MAP4: variants seen among roughly 807,000 people sequenced by gnomAD.
The protein encoded by MAP4 is microtubule associated protein 4.
In MAP4, 76 loss-of-function variants were observed where a neutral mutation model predicts 170.2. The observed-to-expected ratio is 0.45, with a 90% CI of 0.37 to 0.54. The LOEUF (loss-of-function observed/expected upper bound fraction) is 0.54, where lower values mean the gene tolerates loss of function less well. Ranked by LOEUF, MAP4 falls within the 20% of genes least tolerant of loss-of-function variation. The probability of loss-of-function intolerance (pLI) is 0.00; values close to 1 mark genes in which losing one functional copy is unlikely to be tolerated. For synonymous variants in MAP4, 909 were observed against 994.5 expected (o/e 0.91, Z 1.62); for missense variants, 2,506 against 2,748.0 (o/e 0.91, Z 1.97).
At position 47,870,814 on chromosome 3, in the gene MAP4, C is replaced by T. The variant is rs749426642; in HGVS notation, c.6293G>A (p.Arg2098Gln). Residue 2098 changes from arginine to glutamine, a missense_variant and splice_region_variant, in exon 15 of 21, where the codon CGG becomes CAG. Transcript: ENST00000683076. ...GGACCCCAAGCTCCCTGGACCCACC[C>T]GGCCTCCTCCAGGCTGATGCTTGAT... Reference protein sequence around the residue: ...ENIKHQPGGGRAKVEKKTEAA... With the variant: ...ENIKHQPGGGQAKVEKKTEAA... 15 of 1,545,876 alleles carry T rather than the reference C, an allele frequency of 9.7e-6. No homozygotes were observed. The highest frequency in any genetic ancestry group is 8.8e-5 in the South Asian group (7 of 79,820).
At chr3:48,066,481 T>G (rs1332177722) in intron 1 of MAP4, among the ~76,000 whole-genome samples, 4 of 152,054 alleles carry the variant, frequency 2.6e-5, no homozygotes, top group Non-Finnish European at 5.9e-5. Flanking sequence ...AGCCATCACA[T>G]ATATATATTT....
At chr3:48,027,735 G>C (rs1009277455) in intron 1 of MAP4, among the ~76,000 whole-genome samples, 1 of 152,058 alleles carries the variant, frequency 6.6e-6, no homozygotes, top group Non-Finnish European at 1.5e-5. Context: ...CTACTCAGGA[G>C]ACTAAAATGG....
chr3:48,068,638 G>T (rs914289737), intron 1 of MAP4, among the ~76,000 whole-genome samples: 1 of 152,132 alleles, frequency 6.6e-6, no homozygotes, highest in African/African-American at 2.4e-5. Context: ...CAAAAAATTA[G>T]CCAGGTGTGG....
chr3:48,054,578 C>T (rs1458046367), intron 1 of MAP4, among the ~76,000 whole-genome samples: 3 of 134,254 alleles, frequency 2.2e-5, no homozygotes, highest in Non-Finnish European at 4.5e-5. Context: ...TGCAGTGAGC[C>T]GAGATCATGC....
intron 1 of MAP4, among the ~76,000 whole-genome samples, chr3:48,003,614 T>C (rs2100100555): frequency 6.6e-6 from 1 of 152,152 alleles, no homozygotes; most frequent in Non-Finnish European, 1.5e-5. Context: ...TCTATGGCCC[T>C]TTTGTCTAGA....
chr3:48,052,298 T>C (rs1381798791), intron 1 of MAP4, among the ~76,000 whole-genome samples: 2 of 152,186 alleles, frequency 1.3e-5, no homozygotes, highest in Non-Finnish European at 2.9e-5. Context: ...CTTGGCTCAC[T>C]GCAACCTCCA....
chr3:47,904,563 T>C (rs558686065), intron 9 of MAP4, among the ~76,000 whole-genome samples: 20 of 147,328 alleles, frequency 1.4e-4, no homozygotes. Context: ...CTGCTGCGCC[T>C]GGCCAGTGCT....
At chr3:47,879,587 C>T (rs1235079203) in intron 10 of MAP4, among the ~76,000 whole-genome samples, 1 of 152,156 alleles carries the variant, frequency 6.6e-6, no homozygotes, top group Non-Finnish European at 1.5e-5. Flanking sequence ...AGAGCCTACT[C>T]AGATTTTTCA....
intron 3 of MAP4, among the ~76,000 whole-genome samples, chr3:47,948,390 T>C (rs1247964825): frequency 1.3e-5 from 2 of 151,690 alleles, no homozygotes; most frequent in Non-Finnish European, 2.9e-5. Flanking sequence ...TGTGCCACCA[T>C]GCCAGGCTAA....
chr3:47,921,905 C>A lies in MAP4; in HGVS notation c.416-27G>T, dbSNP rs781644074. On this transcript the variant is annotated intron_variant, in intron 4 of 20. Transcript: ENST00000683076. ...TGGAATATAGAAGAAATCCAAAACTCATTCCTGGTGAATGCAACTAGAAAG... is the reference window on the plus strand; with the variant it reads ...TGGAATATAGAAGAAATCCAAAACTAATTCCTGGTGAATGCAACTAGAAAG... The A allele has an allele frequency of 2.5e-4, 244 of 972,860 alleles. No individual in the cohort carries two copies. In the Admixed American group the frequency reaches 4.3e-3, roughly 17 times the overall value. 60.3% of individuals were successfully genotyped at this position (972,860 alleles called of 1,614,324 possible).
rs150299077 is a variant in MAP4, at chr3:47,925,713, G to C, written c.415+2515C>G. On this transcript the variant is annotated intron_variant, in intron 4 of 20. Transcript: ENST00000683076. Reference sequence around the variant, plus strand: ...CAAAAAGCAAATTGGTAGTTGCTTAGGGTTGCAGTGGATAGGGAGATGGGG... The same window carrying C: ...CAAAAAGCAAATTGGTAGTTGCTTACGGTTGCAGTGGATAGGGAGATGGGG... 4.1e-3 allele frequency among the ~76,000 whole-genome samples: 624 copies of C among 152,278 alleles called. 5 individuals are homozygous for C. Among genetic ancestry groups the C allele is most frequent in the African/African-American group, 0.014 (589 of 41,546 alleles).
At chr3:48,019,291 A>G (rs920389189), upstream of MAP4, among the ~76,000 whole-genome samples, 1 of 152,148 alleles carries the variant, frequency 6.6e-6, no homozygotes, top group African/African-American at 2.4e-5. Context: ...GCAGTGAGCT[A>G]TGATTACAAC....
rs183289061 is a variant in MAP4, at chr3:47,925,090, G to A, written c.415+3138C>T. ...CTCCCAAAGTGCTGTGATTACAGGC[G>A]TGAGCCACCGTGCCCGGCTGAAGCT... On this transcript the variant is annotated intron_variant, in intron 4 of 20. Coordinates refer to ENST00000683076, the MANE Select transcript of MAP4 (RefSeq NM_001385682.1). Among the ~76,000 whole-genome samples the A allele has an allele frequency of 3.1e-4, 47 of 152,270 alleles. 1 individual carries two copies. The highest frequency in any genetic ancestry group is 2.5e-3 in the Admixed American group (38 of 15,288).
At chr3:48,084,490 T>C (rs2100148103) in intron 1 of MAP4, among the ~76,000 whole-genome samples, 2 of 152,048 alleles carry the variant, frequency 1.3e-5, no homozygotes. Flanking sequence ...AAGGTCTGCA[T>C]TTAAAGACTG....
chr3:48,042,144 G>A (rs892537817), intron 1 of MAP4, among the ~76,000 whole-genome samples: 4 of 152,222 alleles, frequency 2.6e-5, no homozygotes, highest in Non-Finnish European at 5.9e-5. Flanking sequence ...CAGTCAGTCA[G>A]AAGCACAGGT....
Position 47,909,521 on chromosome 3 carries a change from T to G in MAP4, c.4900A>C (p.Ser1634Arg), listed in dbSNP as rs778016461. 3 of 1,613,086 alleles carry G rather than the reference T, an allele frequency of 1.9e-6. No individual in the cohort carries two copies. Among genetic ancestry groups the G allele is most frequent in the Admixed American group, 1.7e-5 (1 of 60,032 alleles). Reference protein sequence around the residue: ...DLLEDKAQKLSFCEDQNAQDR... With the variant: ...DLLEDKAQKLRFCEDQNAQDR... ...TGAGCATTTTGGTCCTCACAAAAAC[T>G]GAGCTTTTGTGCTTTGTCTTCCAGT... Residue 1634 changes from serine to arginine, a missense_variant, in exon 9 of 21, where the codon AGT becomes CGT. By Grantham distance (110) the Ser-to-Arg change is moderately radical. This residue lies in a region of MAP4 where 2,008 missense variants were observed against 2,206.0 expected (regional missense o/e 0.91). Coordinates refer to ENST00000683076, the MANE Select transcript of MAP4 (RefSeq NM_001385682.1).
At position 48,041,498 on chromosome 3, in the gene MAP4, T is replaced by A. The variant is rs527809627; in HGVS notation, c.-19-42619A>T. On this transcript the variant is annotated intron_variant, in intron 1 of 18. Transcript: ENST00000360240. ...AGATTTAAATAAATGGAAAGACATTTAAGTTCATGGATCAGAAGATTTAAC... is the reference window on the plus strand; with the variant it reads ...AGATTTAAATAAATGGAAAGACATTAAAGTTCATGGATCAGAAGATTTAAC... 7.2e-4 allele frequency among the ~76,000 whole-genome samples: 110 copies of A among 152,140 alleles called. 1 individual carries two copies. The highest frequency in any genetic ancestry group is 3.2e-3 in the Middle Eastern group (1 of 316).
At chr3:47,874,856 A>ACAAATGTG (rs2094739222) in intron 12 of MAP4, among the ~76,000 whole-genome samples, 11 of 152,188 alleles carry the variant, frequency 7.2e-5, no homozygotes, top group African/African-American at 2.4e-4. Flanking sequence ...TTAAATTAAA[A>ACAAATGTG]ACTGACATTT....
intron 1 of MAP4, among the ~76,000 whole-genome samples, chr3:48,021,797 A>T (rs1290787942): frequency 6.6e-6 from 1 of 152,260 alleles, no homozygotes; most frequent in African/African-American, 2.4e-5. Flanking sequence ...AGGAACTTAA[A>T]CTACTGGATA....
Sources: allele counts gnomAD v4.1 joint callset (sites outside exome capture counted in the v4.1 genomes callset), GRCh38; gene constraint gnomAD v4.1.1; regional missense constraint gnomAD v4.1.1; transcripts MANE v1.5; gene names NCBI Gene and HGNC (gene_info 2026-07-23, HGNC 2026-07-21).